Variants in AKAP19 observed in about 807,000 individuals in gnomAD.
AKAP19 encodes small A-kinase anchoring protein.
chr2:189,965,667 G>T, the AKAP19 span, among the ~76,000 whole-genome samples: 2 of 152,080 alleles, frequency 1.3e-5, no homozygotes, highest in Non-Finnish European at 2.9e-5. Context: ...TGGTGTGGAT[G>T]TGGTGAAAAG....
chr2:190,038,910 C>CTTTCTTTCTTTCTTTCT, the AKAP19 span, among the ~76,000 whole-genome samples: 14 of 105,244 alleles, frequency 1.3e-4, 1 homozygote, highest in African/African-American at 6.9e-4. Flanking sequence ...CTTTCTTCTT[C>CTTTCTTTCTTTCTTTCT]TTCTTCTTCT....
At chr2:189,907,818 C>T in the AKAP19 span, among the ~76,000 whole-genome samples, 1 of 152,084 alleles carries the variant, frequency 6.6e-6, no homozygotes, top group Non-Finnish European at 1.5e-5. Flanking sequence ...GGAATTTACC[C>T]ATTACCTCTG....
At chr2:190,120,720 T>C in the AKAP19 span, among the ~76,000 whole-genome samples, 13 of 152,242 alleles carry the variant, frequency 8.5e-5, no homozygotes, top group Non-Finnish European at 1.9e-4. Context: ...ATTTTAAAGT[T>C]TTGACAGAAT....
At chr2:189,947,968 A>G in the AKAP19 span, among the ~76,000 whole-genome samples, 1 of 152,136 alleles carries the variant, frequency 6.6e-6, no homozygotes, top group Non-Finnish European at 1.5e-5. Context: ...GCTTTACCAA[A>G]TTCATCATCA....
the AKAP19 span, among the ~76,000 whole-genome samples, chr2:189,972,249 C>T: frequency 6.6e-6 from 1 of 152,152 alleles, no homozygotes; most frequent in Non-Finnish European, 1.5e-5. Context: ...ATCCTTTCCC[C>T]TTTTCTTGTT....
the AKAP19 span, among the ~76,000 whole-genome samples, chr2:190,161,278 T>C: frequency 5.3e-5 from 8 of 152,318 alleles, no homozygotes; most frequent in African/African-American, 1.9e-4. Flanking sequence ...TTTGTCACTT[T>C]ATTTGCCTTA....
the AKAP19 span, among the ~76,000 whole-genome samples, chr2:190,174,272 C>T: frequency 1.3e-5 from 2 of 152,156 alleles, no homozygotes; most frequent in Admixed American, 6.5e-5. Flanking sequence ...AAACTTTTGC[C>T]TGAGGACTGT....
chr2:190,184,514 G>C, the AKAP19 span, among the ~76,000 whole-genome samples: 1 of 152,048 alleles, frequency 6.6e-6, no homozygotes, highest in Non-Finnish European at 1.5e-5. Context: ...ACAAAATAAA[G>C]AAAAAAATAA....
chr2:190,127,522 A>G, the AKAP19 span, among the ~76,000 whole-genome samples: 4 of 152,292 alleles, frequency 2.6e-5, no homozygotes, highest in East Asian at 5.8e-4. Context: ...TGTAGCTTTT[A>G]TACTATTACA....
the AKAP19 span, among the ~76,000 whole-genome samples, chr2:189,897,064 G>A: frequency 1.6e-4 from 25 of 152,126 alleles, no homozygotes; most frequent in Non-Finnish European, 3.1e-4. Context: ...TTCAATGAAT[G>A]TACTTCCTCT....
At chr2:189,919,151 G>A in the AKAP19 span, among the ~76,000 whole-genome samples, 1 of 152,214 alleles carries the variant, frequency 6.6e-6, no homozygotes, top group African/African-American at 2.4e-5. Flanking sequence ...CATATCCTCT[G>A]TGGACAGGGG....
chr2:190,025,541 C>T, the AKAP19 span, among the ~76,000 whole-genome samples: 1 of 152,152 alleles, frequency 6.6e-6, no homozygotes, highest in Non-Finnish European at 1.5e-5. Context: ...AAAAAAGCAC[C>T]TCATGCCATC....
chr2:190,126,714 T>A, the AKAP19 span, among the ~76,000 whole-genome samples: 2 of 151,964 alleles, frequency 1.3e-5, no homozygotes, highest in African/African-American at 4.8e-5. Context: ...AGCAAATAGA[T>A]TTTGACCCAC....
chr2:189,932,513 G>T, the AKAP19 span, among the ~76,000 whole-genome samples: 1 of 151,300 alleles, frequency 6.6e-6, no homozygotes, highest in African/African-American at 2.4e-5. Context: ...TTATTAGTTG[G>T]AATTCTATTT....
At chr2:189,903,894 T>G in the AKAP19 span, among the ~76,000 whole-genome samples, 1 of 152,046 alleles carries the variant, frequency 6.6e-6, no homozygotes, top group African/African-American at 2.4e-5. Flanking sequence ...ACATGTGGTA[T>G]GTGGTTTTCT....
chr2:190,052,326 C>T, the AKAP19 span, among the ~76,000 whole-genome samples: 3 of 152,242 alleles, frequency 2.0e-5, no homozygotes, highest in East Asian at 5.8e-4. Context: ...CCTCAATGAC[C>T]ACTCAATTGT....
At chr2:190,099,701 G>A in the AKAP19 span, among the ~76,000 whole-genome samples, 29 of 152,294 alleles carry the variant, frequency 1.9e-4, no homozygotes, top group African/African-American at 6.7e-4. Flanking sequence ...GCACGATAAA[G>A]TGAAATGCAA....
At chr2:189,926,455 T>A in the AKAP19 span, among the ~76,000 whole-genome samples, 11 of 150,232 alleles carry the variant, frequency 7.3e-5, no homozygotes, top group South Asian at 6.3e-4. Context: ...CCCCGCTAAT[T>A]TTTTGGGTTT....
chr2:189,975,862 G>T, the AKAP19 span, among the ~76,000 whole-genome samples: 3 of 152,086 alleles, frequency 2.0e-5, no homozygotes, highest in East Asian at 5.8e-4. Flanking sequence ...CTGTACACTG[G>T]TTATTCTAGT....
Sources: allele counts gnomAD v4.1 joint callset (sites outside exome capture counted in the v4.1 genomes callset), GRCh38; gene constraint gnomAD v4.1.1; transcripts MANE v1.5; gene names NCBI Gene and HGNC (gene_info 2026-07-23, HGNC 2026-07-21).